The following MEF2C variants were observed in gnomAD, a reference collection of about 807,000 sequenced individuals.
MEF2C encodes myocyte enhancer factor 2C.
Under a neutral mutation model 50.5 loss-of-function variants are expected in MEF2C, and 6 were observed. The ratio of observed to expected loss-of-function variants is 0.12; its 90% CI spans 0.07 to 0.23. MEF2C has a LOEUF of 0.23. Among genes scored for constraint, MEF2C ranks in the 10% least tolerant of loss-of-function variants. The pLI is 1.00. For missense variants in MEF2C, 276 were observed against 605.0 expected (o/e 0.46, Z 5.70); for synonymous variants, 183 against 228.0 (o/e 0.80, Z 1.78).
chr5:88,892,206 G>T (rs1834662030), intron 1 of MEF2C: 1 of 152,018 alleles, frequency 6.6e-6, no homozygotes, highest in African/African-American at 2.4e-5. Flanking sequence ...CTTCTCCATG[G>T]CTGACAACCG....
At chr5:88,869,260 TATATATATATATATATAC>T (rs1201888591) in intron 1 of MEF2C, among the ~76,000 whole-genome samples, 2 of 62,132 alleles carry the variant, frequency 3.2e-5, no homozygotes, top group Non-Finnish European at 6.1e-5. Context: ...TTCATATATA[TATATATATATATATATAC>T]ATATATATAT....
intron 1 of MEF2C, among the ~76,000 whole-genome samples, chr5:88,873,092 C>T (rs1047561509): frequency 5.3e-5 from 8 of 151,784 alleles, no homozygotes; most frequent in Non-Finnish European, 1.2e-4. Context: ...GAGTTCTGGT[C>T]TAACACTTAC....
At chr5:88,822,028 C>T (rs1808640273) in intron 2 of MEF2C, among the ~76,000 whole-genome samples, 1 of 151,666 alleles carries the variant, frequency 6.6e-6, no homozygotes, top group African/African-American at 2.4e-5. Flanking sequence ...ACATGTATTC[C>T]ATATTATATA....
chr5:88,744,547 C>T (rs1020235208), intron 6 of MEF2C, among the ~76,000 whole-genome samples: 1 of 150,994 alleles, frequency 6.6e-6, no homozygotes, highest in African/African-American at 2.4e-5. Context: ...AACAAGACTC[C>T]GTCTCAAAAA....
chr5:88,849,553 A>G (rs1820545302), intron 1 of MEF2C, among the ~76,000 whole-genome samples: 1 of 152,212 alleles, frequency 6.6e-6, no homozygotes. Flanking sequence ...TTAAGTGTTT[A>G]ACTTTGTATC....
intron 5 of MEF2C, among the ~76,000 whole-genome samples, chr5:88,749,789 G>T (rs1771732715): frequency 6.6e-6 from 1 of 152,182 alleles, no homozygotes; most frequent in Non-Finnish European, 1.5e-5. Context: ...CCAGCACTTT[G>T]GGAGGCCCAG....
chr5:88,793,609 ATAATATGTATCT>A (rs1292948057), intron 3 of MEF2C, among the ~76,000 whole-genome samples: 1 of 152,178 alleles, frequency 6.6e-6, no homozygotes, highest in African/African-American at 2.4e-5. Context: ...GTATCCTTGT[ATAATATGTATCT>A]ATATAGCACA....
chr5:88,766,798 T>C (rs1780248850), intron 3 of MEF2C: 1 of 985,302 alleles, frequency 1.0e-6, no homozygotes, highest in Non-Finnish European at 1.2e-6. Flanking sequence ...GAATTATTAC[T>C]ATTAGTTGCA....
chr5:88,793,950 C>G (rs1047900432), intron 3 of MEF2C, among the ~76,000 whole-genome samples: 5 of 152,152 alleles, frequency 3.3e-5, no homozygotes, highest in African/African-American at 1.2e-4. Context: ...CAGCTTCACC[C>G]AGGTCCCTGC....
At chr5:88,731,538 T>A (rs2152276482) in intron 7 of MEF2C, 191 bp downstream of exon 7, 1 of 545,736 alleles carries the variant, frequency 1.8e-6, no homozygotes. Flanking sequence ...ATATTTTTTT[T>A]ACACGGAAAA....
At chr5:88,759,407 G>A (rs563846384) in intron 4 of MEF2C, among the ~76,000 whole-genome samples, 59 of 152,236 alleles carry the variant, frequency 3.9e-4, no homozygotes, top group African/African-American at 1.0e-3. Flanking sequence ...GCTTGAACCC[G>A]GGAAGCAGAG....
chr5:88,845,770 G>A lies in MEF2C; in HGVS notation c.-142-21840C>T, dbSNP rs616706. 7.0e-3 allele frequency among the ~76,000 whole-genome samples: 1,066 copies of A among 152,156 alleles called. 13 individuals carry two copies. Among genetic ancestry groups the A allele is most frequent in the African/African-American group, 0.025 (1,029 of 41,538 alleles). On this transcript the variant is annotated intron_variant, in intron 1 of 10. Coordinates refer to ENST00000504921, the MANE Select transcript of MEF2C (RefSeq NM_002397.5). ...CAGAAAACTTTTGTTTTTTGAGATG[G>A]AGTCTCGCTCTGTCGCCAGGCTGGA...
intron 3 of MEF2C, among the ~76,000 whole-genome samples, chr5:88,800,205 G>A (rs1333495672): frequency 6.6e-6 from 1 of 152,146 alleles, no homozygotes. Context: ...TACAAAACGT[G>A]CTGGATATGG....
At chr5:88,837,024 A>AAG (rs1554039496) in intron 1 of MEF2C, among the ~76,000 whole-genome samples, 2 of 150,526 alleles carry the variant, frequency 1.3e-5, no homozygotes, top group African/African-American at 4.9e-5. Flanking sequence ...AAAAAAAAAA[A>AAG]GTCAGGAAAT....
intron 3 of MEF2C, among the ~76,000 whole-genome samples, chr5:88,780,094 C>T (rs1435786483): frequency 6.6e-6 from 1 of 151,440 alleles, no homozygotes; most frequent in Non-Finnish European, 1.5e-5. Context: ...TTGCAGTGAG[C>T]TGACATTGCA....
upstream of MEF2C, among the ~76,000 whole-genome samples, chr5:88,884,079 C>T (rs754736677): frequency 2.6e-5 from 4 of 152,254 alleles, no homozygotes; most frequent in African/African-American, 4.8e-5. Flanking sequence ...CGAGCTGCGG[C>T]TCCCTGCTCC....
chr5:88,856,441 TG>T lies in MEF2C; in HGVS notation c.-143+26513del, dbSNP rs562503733. ...TTTTTGATGAGAAATTCAAGCCAGC[TG>T]CAGAAATTTGCATCAGTAACAAGAA... On this transcript the variant is annotated intron_variant, in intron 1 of 10. Coordinates refer to ENST00000504921, the MANE Select transcript of MEF2C (RefSeq NM_002397.5). 2.2e-4 allele frequency among the ~76,000 whole-genome samples: 33 copies of T among 152,354 alleles called. No homozygotes were observed. The South Asian group carries it at 4.1e-3, about 19-fold the overall frequency.
At chr5:88,737,468 T>C (rs1355414759) in intron 6 of MEF2C, 1 of 985,432 alleles carries the variant, frequency 1.0e-6, no homozygotes. Flanking sequence ...AAATGAAAAG[T>C]TGAAGTCTCT....
chr5:88,819,292 C>T (rs973925930), intron 2 of MEF2C: 19 of 942,572 alleles, frequency 2.0e-5, no homozygotes, highest in African/African-American at 7.1e-5. Flanking sequence ...TAATTTGTTT[C>T]GTGTTGAATA....
Sources: allele counts gnomAD v4.1 joint callset (sites outside exome capture counted in the v4.1 genomes callset), GRCh38; gene constraint gnomAD v4.1.1; transcripts MANE v1.5; gene names NCBI Gene and HGNC (gene_info 2026-07-23, HGNC 2026-07-21).